The following MYH14 variants were observed in gnomAD, a reference collection of about 807,000 sequenced individuals.
MYH14 encodes the protein myosin-14.
Under a neutral mutation model 255.5 loss-of-function variants are expected in MYH14, and 123 were observed. The ratio of observed to expected loss-of-function variants is 0.48; its 90% CI spans 0.42 to 0.56. The LOEUF (loss-of-function observed/expected upper bound fraction) is 0.56. MYH14 is among the 20% of genes least tolerant of loss of function. The pLI is 0.00. For missense variants in MYH14, 2,423 were observed against 2,802.3 expected (o/e 0.86, Z 3.06); for synonymous variants, 1,095 against 1,161.2 (o/e 0.94, Z 1.16).
chr19:50,248,425 C>T lies in MYH14; in HGVS notation c.1330-562C>T, dbSNP rs181487344. Among the ~76,000 whole-genome samples, 21 of 152,174 alleles carry T rather than the reference C, an allele frequency of 1.4e-4. No individual in the cohort carries two copies. In the Middle Eastern group the frequency reaches 0.01, roughly 74 times the overall value. On this transcript the variant is annotated intron_variant, in intron 12 of 42. Coordinates refer to ENST00000642316, the MANE Select transcript of MYH14 (RefSeq NM_001145809.2). The stretch of plus-strand genomic sequence containing the variant: ...CATGAGCAGGGAGGGTGGAGTGGAG[C>T]GACCACAGGCCAGGGAGGGTTTCAG...
intron 22 of MYH14, among the ~76,000 whole-genome samples, chr19:50,264,732 C>G (rs1312129189): frequency 6.6e-6 from 1 of 152,158 alleles, no homozygotes; most frequent in East Asian, 1.9e-4. Flanking sequence ...AGAGCTCCAG[C>G]CAGATTCCCA....
Position 50,281,622 on chromosome 19 carries a change from AGGAGGCAGGGGCACT to A in MYH14, c.4331_4345del (p.Ala1444_Gly1448del), listed in dbSNP as rs1175215522. 6.3e-7 allele frequency: 1 copy of A among 1,597,386 alleles called. No individual in the cohort carries two copies. The highest frequency in any genetic ancestry group is 1.3e-5 in the African/African-American group (1 of 74,402). On this transcript the variant is annotated inframe_deletion, in exon 33 of 43. Transcript: ENST00000642316. ...TCCGAGTGGCGGCGGCGCCAGGAGG[AGGAGGCAGGGGCACT>A]GGAGGCAGGGGAGGAGGCACGGCGC...
Position 50,272,657 on chromosome 19 carries a change from GC to G in MYH14, c.3394del (p.Gln1132SerfsTer37). ...SSELQEQMVE[Q>X]QQRAEELRAQ... is the part of the protein sequence containing the mutation. ...CAGAGCTGCAGGAGCAGATGGTGGA[GC>G]AGCAACAGCGGGCAGAGGAGCTGCG... On this transcript the variant is annotated frameshift_variant, in exon 27 of 43. Transcript: ENST00000642316. The G allele has an allele frequency of 6.4e-7, 1 of 1,561,220 alleles. No homozygotes were observed. The highest frequency in any genetic ancestry group is 8.7e-7 in the Non-Finnish European group (1 of 1,153,366).
Position 50,263,347 on chromosome 19 carries a change from T to G in MYH14, c.2621T>G (p.Leu874Arg). The change falls in exon 22 of 43, where the codon CTG (leucine) becomes CGG (arginine). Residue 874 changes from leucine to arginine, a missense_variant. Coordinates refer to ENST00000642316, the MANE Select transcript of MYH14 (RefSeq NM_001145809.2). The stretch of plus-strand genomic sequence containing the variant: ...AAGCGCCAGCAGCAGCAGAGCGCCC[T>G]GAGGGTGATGCAGCGGAACTGCGCG... ...FQKRQQQQSALRVMQRNCAAY... is the reference protein window; with the variant it reads ...FQKRQQQQSARRVMQRNCAAY... 1 of 1,591,962 alleles carries G rather than the reference T, an allele frequency of 6.3e-7. No homozygotes were observed. Among genetic ancestry groups the G allele is most frequent in the Non-Finnish European group, 8.6e-7 (1 of 1,169,472 alleles).
Position 50,281,835 on chromosome 19 carries a change from T to C in MYH14, c.4532T>C (p.Phe1511Ser), listed in dbSNP as rs1294041584. 2 of 1,610,764 alleles carry C rather than the reference T, an allele frequency of 1.2e-6. No homozygotes were observed. The highest frequency in any genetic ancestry group is 8.5e-7 in the Non-Finnish European group (1 of 1,178,248). ...ACCCTGGAGAAGAAGCAGCGCAAGT[T>C]TGACCAGGTGGGGCACCTCAGTTCA... ...VSTLEKKQRK[F>S]DQLLAEEKAA... The change falls in exon 33 of 43, where the codon TTT (phenylalanine) becomes TCT (serine). Residue 1511 changes from phenylalanine to serine, a missense_variant. This residue lies in a region of MYH14 where 1,513 missense variants were observed against 1,674.8 expected (regional missense o/e 0.90). Coordinates refer to ENST00000642316, the MANE Select transcript of MYH14 (RefSeq NM_001145809.2).
At chr19:50,268,677 C>T (rs1159135765) in intron 24 of MYH14, among the ~76,000 whole-genome samples, 2 of 152,114 alleles carry the variant, frequency 1.3e-5, no homozygotes, top group Non-Finnish European at 2.9e-5. Flanking sequence ...ATATCCTCAG[C>T]TTCAGGCATG....
intron 33 of MYH14, among the ~76,000 whole-genome samples, chr19:50,284,528 C>T (rs891225496): frequency 4.0e-5 from 6 of 151,734 alleles, no homozygotes; most frequent in South Asian, 2.1e-4. Context: ...CCGCCACACC[C>T]GGCTAATTTT....
rs7259185 is a variant in MYH14, at chr19:50,276,929, G to A, written c.3825+28G>A. The A allele has an allele frequency of 0.25, 367,927 of 1,467,660 alleles. 53,964 individuals carry two copies. The highest frequency in any genetic ancestry group is 0.27 in the Non-Finnish European group (288,858 of 1,065,956). The allele number at this position is 1,467,660 out of a possible 1,614,324, so 90.9% of individuals were successfully genotyped here. A position where few individuals can be genotyped will look rare whatever the true frequency, so the allele number is the denominator to read the frequency against. On this transcript the variant is annotated intron_variant, in intron 29 of 42. Coordinates refer to ENST00000642316, the MANE Select transcript of MYH14 (RefSeq NM_001145809.2). This position sits in a 1 kb window ranked among gnomAD's most constrained non-coding sequence, Gnocchi z 4.3. ...GGGTTGGGGCAGGGGGACAGGGCAG[G>A]GGGGCCACGGGGAGGGCAGGGCAGG...
At chr19:50,211,825 A>T (rs1364692369) in intron 2 of MYH14, among the ~76,000 whole-genome samples, 1 of 151,916 alleles carries the variant, frequency 6.6e-6, no homozygotes, top group Non-Finnish European at 1.5e-5. Context: ...CAAAAAAAAA[A>T]AAAATACAAT....
chr19:50,244,479 ATTTTTTTTT>A (rs36011027), intron 11 of MYH14, 142 bp downstream of exon 11: 9 of 436,270 alleles, frequency 2.1e-5, no homozygotes, highest in East Asian at 4.0e-5. Flanking sequence ...GATTTCCTGC[ATTTTTTTTT>A]TTTTTTTTTT....
intron 34 of MYH14, among the ~76,000 whole-genome samples, chr19:50,289,156 T>C (rs1211115558): frequency 6.6e-6 from 1 of 151,798 alleles, no homozygotes; most frequent in Non-Finnish European, 1.5e-5. Context: ...TGAGTGAGAG[T>C]CAGCTGACCT....
chr19:50,227,108 G>T, intron 8 of MYH14, 142 bp downstream of exon 8: 1 of 724,078 alleles, frequency 1.4e-6, no homozygotes, highest in Non-Finnish European at 2.4e-6. Flanking sequence ...ATCTGCATGG[G>T]GAGGGGAGGG....
rs1044111114 is a variant in MYH14 at position 50,276,655 on chromosome 19, A to T, written c.3681-102A>T. The T allele has an allele frequency of 1.0e-5, 15 of 1,491,042 alleles. No individual in the cohort carries two copies. The highest frequency in any genetic ancestry group is 1.4e-5 in the African/African-American group (1 of 71,854). 92.4% of individuals were successfully genotyped at this position (1,491,042 alleles called of 1,614,324 possible). On this transcript the variant is annotated intron_variant, in intron 28 of 42. Transcript: ENST00000642316. The surrounding 1 kb of genome is among the most constrained non-coding windows in gnomAD (Gnocchi z 4.3). ...CTGAGGAGCATAACATGAGGCCCTCATATTTTAAGGAAACATGAAAAGGAG... is the reference window on the plus strand; with the variant it reads ...CTGAGGAGCATAACATGAGGCCCTCTTATTTTAAGGAAACATGAAAAGGAG...
rs570142932 is a variant in MYH14, at chr19:50,260,765, G to T, written c.2424+50G>T. On this transcript the variant is annotated intron_variant, in intron 20 of 42. Transcript: ENST00000642316. ...CGTGTGTGCGTGTGTGTGTGTGCGT[G>T]CATGAGTGTGCGTGCATGTGTGTGT... 1,602 of 1,322,072 alleles carry T rather than the reference G, an allele frequency of 1.2e-3. 29 individuals carry two copies. The South Asian group carries it at 0.019, about 16-fold the overall frequency. The allele number at this position is 1,322,072 out of a possible 1,614,324, so 81.9% of individuals were successfully genotyped here. A position where few individuals can be genotyped will look rare whatever the true frequency, so the allele number is the denominator to read the frequency against.
intron 5 of MYH14, among the ~76,000 whole-genome samples, chr19:50,223,731 G>A (rs1432835432): frequency 6.6e-6 from 1 of 152,166 alleles, no homozygotes; most frequent in Non-Finnish European, 1.5e-5. Flanking sequence ...CCCTCGGGTG[G>A]GGTGGGTGCT....
intron 41 of MYH14, chr19:50,308,793 TG>T: frequency 1.7e-6 from 1 of 575,902 alleles, no homozygotes; most frequent in Non-Finnish European, 3.1e-6. Context: ...TCTGAGGCCA[TG>T]TAGGAGACAA....
chr19:50,242,639 C>T (rs1281561949), intron 10 of MYH14, among the ~76,000 whole-genome samples: 1 of 152,176 alleles, frequency 6.6e-6, no homozygotes, highest in Non-Finnish European at 1.5e-5. Context: ...CAAACCATAT[C>T]AATTTCGATC....
intron 33 of MYH14, chr19:50,284,645 C>T (rs1171223251): frequency 3.3e-5 from 5 of 151,952 alleles, no homozygotes; most frequent in Non-Finnish European, 2.9e-5. Flanking sequence ...CTGCCTCGGC[C>T]TCCCAAAGCA....
intron 5 of MYH14, 76 bp downstream of exon 5, chr19:50,223,425 T>C (rs986693670): frequency 1.2e-5 from 12 of 1,028,198 alleles, no homozygotes; most frequent in Non-Finnish European, 1.6e-5. Context: ...TTCCCCACAA[T>C]TGTCTCTTCC....
Sources: allele counts gnomAD v4.1 joint callset (sites outside exome capture counted in the v4.1 genomes callset), GRCh38; gene constraint gnomAD v4.1.1; regional missense constraint gnomAD v4.1.1; non-coding constraint Gnocchi (gnomAD v3.1); transcripts MANE v1.5; gene names NCBI Gene and HGNC (gene_info 2026-07-23, HGNC 2026-07-21).